Variants in TRAPPC9 observed in about 807,000 individuals in gnomAD.
TRAPPC9 encodes IKK2 binding protein.
TRAPPC9 carries 83 observed loss-of-function variants against 124.0 expected under a neutral mutation model. That is an observed-to-expected ratio of 0.67 (90% CI 0.56 to 0.80). The LOEUF (loss-of-function observed/expected upper bound fraction) is 0.80, where lower values mean the gene tolerates loss of function less well. TRAPPC9 is among the 30% of genes least tolerant of loss of function. The probability of loss-of-function intolerance (pLI) is 0.00; values close to 1 mark genes in which losing one functional copy is unlikely to be tolerated. For synonymous variants in TRAPPC9, 638 were observed against 617.5 expected (o/e 1.03, Z -0.49); for missense variants, 1,302 against 1,508.3 (o/e 0.86, Z 2.27).
intron 19 of TRAPPC9, among the ~76,000 whole-genome samples, chr8:139,939,261 G>A (rs1020420409): frequency 1.3e-5 from 2 of 152,194 alleles, no homozygotes; most frequent in African/African-American, 4.8e-5. Flanking sequence ...CACCTCTGCT[G>A]GACACCGGGG....
chr8:140,264,204 G>A lies in TRAPPC9; in HGVS notation c.2279-11275C>T, dbSNP rs116066228. On this transcript the variant is annotated intron_variant, in intron 15 of 22. Coordinates refer to ENST00000438773, the MANE Select transcript of TRAPPC9 (RefSeq NM_001160372.4). ...ATGGCACTTCAGCCAGCTCATTACC[G>A]AACCCCTCGGGTCCTGAGAATTGCA... Among the ~76,000 whole-genome samples the A allele has an allele frequency of 9.8e-3, 1,494 of 152,234 alleles. 24 individuals are homozygous for A. The highest frequency in any genetic ancestry group is 0.033 in the African/African-American group (1,382 of 41,534).
rs578132660 is a variant in TRAPPC9, at chr8:139,728,165, G to A, written c.*2896C>T. Among the ~76,000 whole-genome samples the A allele has an allele frequency of 6.6e-6, 1 of 152,350 alleles. No individual in the cohort carries two copies. The highest frequency in any genetic ancestry group is 1.5e-5 in the Non-Finnish European group (1 of 68,032). ...TTGTCCAAGGTCAAGGAGTTGACAA[G>A]TGGCTGAGCTGGAGTTCAGCATCTC... On this transcript the variant is annotated 3_prime_UTR_variant, in exon 23 of 23. Coordinates refer to ENST00000438773, the MANE Select transcript of TRAPPC9 (RefSeq NM_001160372.4).
chr8:140,458,306 A>G, upstream of TRAPPC9: 4 of 1,565,172 alleles, frequency 2.6e-6, no homozygotes, highest in Non-Finnish European at 2.6e-6. Context: ...CGCAGCTCAA[A>G]TTTCACTTCC....
chr8:140,214,502 T>C (rs533727183), intron 17 of TRAPPC9, among the ~76,000 whole-genome samples: 1 of 152,360 alleles, frequency 6.6e-6, no homozygotes, highest in African/African-American at 2.4e-5. Context: ...CCTCCTTACA[T>C]ACAAGAATGA....
chr8:140,091,222 C>T (rs972360149), intron 17 of TRAPPC9, among the ~76,000 whole-genome samples: 3 of 152,146 alleles, frequency 2.0e-5, no homozygotes, highest in Non-Finnish European at 4.4e-5. Flanking sequence ...CGTCTCCTGC[C>T]CCCTCATCCT....
At chr8:140,412,503 C>A (rs192591390) in intron 5 of TRAPPC9, among the ~76,000 whole-genome samples, 2 of 152,130 alleles carry the variant, frequency 1.3e-5, no homozygotes, top group East Asian at 3.8e-4. Context: ...ACGTTAAATT[C>A]TCTGATTTTA....
chr8:140,004,870 A>T (rs555288475), intron 18 of TRAPPC9, among the ~76,000 whole-genome samples: 33 of 152,346 alleles, frequency 2.2e-4, no homozygotes, highest in Non-Finnish European at 3.4e-4. Context: ...AAAGTGAATT[A>T]GCATAAAACT....
intron 21 of TRAPPC9, among the ~76,000 whole-genome samples, chr8:139,864,961 C>T (rs1431697036): frequency 1.3e-5 from 2 of 152,188 alleles, no homozygotes; most frequent in African/African-American, 2.4e-5. Flanking sequence ...CTGAACATTG[C>T]CCGGAAGCTC....
intron 20 of TRAPPC9, 81 bp from the exon 21 acceptor site, chr8:139,886,050 T>C: frequency 7.4e-7 from 1 of 1,350,190 alleles, no homozygotes; most frequent in South Asian, 1.2e-5. Context: ...ACAGAGACCC[T>C]CAGATGGGAA....
chr8:140,451,349 A>G lies in TRAPPC9; in HGVS notation c.25T>C (p.Cys9Arg). ...AGCAGCGTCTGGTGGTCCTCAGCAC[A>G]CTGCATGTAGTCAGGGACGCTCATT... MSVPDYMQ[C>R]AEDHQTLLVV... The change falls in exon 2 of 23, where the codon TGT (cysteine) becomes CGT (arginine). Residue 9 changes from cysteine (C) to arginine (R), a missense_variant. Cys to Arg is a radical substitution (Grantham distance 180). Coordinates refer to ENST00000438773, the MANE Select transcript of TRAPPC9 (RefSeq NM_001160372.4). 1 of 1,605,122 alleles carries G rather than the reference A, an allele frequency of 6.2e-7. No homozygotes were observed.
intron 21 of TRAPPC9, among the ~76,000 whole-genome samples, chr8:139,791,326 GACAC>G (rs56674949): frequency 1.4e-5 from 2 of 147,238 alleles, no homozygotes; most frequent in Non-Finnish European, 3.0e-5. Context: ...CCCCTGCACA[GACAC>G]ACACACGCTC....
At chr8:140,305,364 G>A (rs760014893) in intron 10 of TRAPPC9, among the ~76,000 whole-genome samples, 36 of 152,154 alleles carry the variant, frequency 2.4e-4, no homozygotes, top group Non-Finnish European at 3.7e-4. Flanking sequence ...GCAGTGGTGC[G>A]ATCTCCGCTC....
chr8:139,847,348 T>G (rs534407585), intron 21 of TRAPPC9, among the ~76,000 whole-genome samples: 2 of 152,364 alleles, frequency 1.3e-5, no homozygotes, highest in South Asian at 2.1e-4. Flanking sequence ...GGCTGAGGGA[T>G]GGAATCAATG....
intron 21 of TRAPPC9, among the ~76,000 whole-genome samples, chr8:139,827,194 C>T (rs1586931226): frequency 6.6e-6 from 1 of 152,228 alleles, no homozygotes; most frequent in Non-Finnish European, 1.5e-5. Flanking sequence ...CAGCAGGTCT[C>T]GGCCTGGAGC....
intron 8 of TRAPPC9, among the ~76,000 whole-genome samples, chr8:140,362,135 T>C (rs2132186598): frequency 6.6e-6 from 1 of 152,302 alleles, no homozygotes; most frequent in South Asian, 2.1e-4. Context: ...TGTCTTTGTT[T>C]CTCTCATCAA....
intron 13 of TRAPPC9, among the ~76,000 whole-genome samples, chr8:140,285,216 C>T (rs1226413175): frequency 6.6e-6 from 1 of 152,218 alleles, no homozygotes; most frequent in East Asian, 1.9e-4. Context: ...GTGACTAAGG[C>T]TCTGACTCCT....
At chr8:139,796,081 G>A (rs1385207647) in intron 21 of TRAPPC9, among the ~76,000 whole-genome samples, 4 of 143,030 alleles carry the variant, frequency 2.8e-5, no homozygotes, top group Non-Finnish European at 6.1e-5. Flanking sequence ...AGGAGGAAGA[G>A]GAGAAGGAGG....
rs1301931244 is a variant in TRAPPC9, at chr8:140,431,154, A to G, written c.859+3958T>C. ...CTAAACCTGCAGCTAAATTATGGGTATAAGAACTACTGACCCTCCTCGCCG... is the reference window on the plus strand; with the variant it reads ...CTAAACCTGCAGCTAAATTATGGGTGTAAGAACTACTGACCCTCCTCGCCG... On this transcript the variant is annotated intron_variant, in intron 4 of 22. Coordinates refer to ENST00000438773, the MANE Select transcript of TRAPPC9 (RefSeq NM_001160372.4). 5.9e-5 allele frequency among the ~76,000 whole-genome samples: 9 copies of G among 152,160 alleles called. No homozygotes were observed. In the East Asian group the frequency reaches 1.6e-3, roughly 26 times the overall value.
At chr8:140,053,385 A>G (rs1249592433) in intron 17 of TRAPPC9, among the ~76,000 whole-genome samples, 2 of 152,212 alleles carry the variant, frequency 1.3e-5, no homozygotes, top group Non-Finnish European at 2.9e-5. Context: ...TTCCTTGTAC[A>G]ACTGATTTTT....
Sources: allele counts gnomAD v4.1 joint callset (sites outside exome capture counted in the v4.1 genomes callset), GRCh38; gene constraint gnomAD v4.1.1; transcripts MANE v1.5; gene names NCBI Gene and HGNC (gene_info 2026-07-23, HGNC 2026-07-21).